The following BEND6 variants were observed in gnomAD, a reference collection of about 807,000 sequenced individuals.
BEND6 encodes the protein BEN domain containing 6, also known as BEN domain-containing protein 6.
Under a neutral mutation model 31.8 loss-of-function variants are expected in BEND6, and 24 were observed. The observed-to-expected ratio is 0.75, with a 90% CI of 0.55 to 1.06. The LOEUF is 1.06. Among genes scored for constraint, BEND6 ranks in the 50% least tolerant of loss-of-function variants. The probability of loss-of-function intolerance (pLI) is 0.00; values close to 1 mark genes in which losing one functional copy is unlikely to be tolerated. For synonymous variants in BEND6, 109 were observed against 114.6 expected, an observed-to-expected ratio of 0.95 and a Z score of 0.31; for missense variants, 294 against 327.4, an observed-to-expected ratio of 0.90 and a Z score of 0.79.
intron 1 of BEND6, among the ~76,000 whole-genome samples, chr6:56,964,328 T>C (rs1457948462): frequency 6.6e-6 from 1 of 152,190 alleles, no homozygotes; most frequent in Non-Finnish European, 1.5e-5. Flanking sequence ...CTAAGCTTTC[T>C]ATCTTTTCAT....
intron 1 of BEND6, among the ~76,000 whole-genome samples, chr6:56,978,114 C>CA (rs76466174): frequency 0.13 from 17,899 of 140,906 alleles, 1,309 homozygotes; most frequent in Middle Eastern, 0.2. Context: ...AAACAAAAAA[C>CA]AAAAAAAAAA....
chr6:56,990,902 A>G (rs1826473706), intron 2 of BEND6, among the ~76,000 whole-genome samples: 2 of 152,326 alleles, frequency 1.3e-5, no homozygotes, highest in Admixed American at 1.3e-4. Flanking sequence ...AACAAATGAC[A>G]GTATCTCTGA....
chr6:56,961,361 A>G (rs576111756), intron 1 of BEND6, among the ~76,000 whole-genome samples: 1 of 152,334 alleles, frequency 6.6e-6, no homozygotes, highest in East Asian at 1.9e-4. Context: ...AATGGAGATG[A>G]TGTGCTGGGA....
At chr6:57,003,426 G>A (rs912666123) in intron 3 of BEND6, among the ~76,000 whole-genome samples, 22 of 152,094 alleles carry the variant, frequency 1.4e-4, no homozygotes, top group African/African-American at 4.6e-4. Flanking sequence ...GCTTGAGCCC[G>A]AGAGATGGAG....
chr6:57,005,348 A>G (rs1221299373), intron 3 of BEND6, among the ~76,000 whole-genome samples: 1 of 152,112 alleles, frequency 6.6e-6, no homozygotes, highest in Non-Finnish European at 1.5e-5. Flanking sequence ...AAAATATAAA[A>G]CTCAACTGAG....
At chr6:56,958,684 A>T (rs1395536134) in intron 1 of BEND6, among the ~76,000 whole-genome samples, 4 of 152,236 alleles carry the variant, frequency 2.6e-5, no homozygotes, top group Non-Finnish European at 4.4e-5. Flanking sequence ...AGCATCCCAG[A>T]ATCAGAACTT....
At chr6:56,960,831 A>G (rs1029299873) in intron 1 of BEND6, among the ~76,000 whole-genome samples, 2 of 152,230 alleles carry the variant, frequency 1.3e-5, no homozygotes, top group Non-Finnish European at 2.9e-5. Context: ...CTAGGAAGAG[A>G]AAGAAAAGTA....
chr6:56,999,857 G>A (rs1826859738), intron 3 of BEND6, among the ~76,000 whole-genome samples: 1 of 152,232 alleles, frequency 6.6e-6, no homozygotes, highest in Non-Finnish European at 1.5e-5. Context: ...CAACAGAAGT[G>A]CATAGACCTG....
chr6:57,000,613 A>C (rs1826897387), intron 3 of BEND6, among the ~76,000 whole-genome samples: 1 of 150,330 alleles, frequency 6.7e-6, no homozygotes, highest in African/African-American at 2.5e-5. Flanking sequence ...AAATAACAAG[A>C]ATCCAAAATA....
intron 1 of BEND6, among the ~76,000 whole-genome samples, chr6:56,957,627 A>C (rs934505914): frequency 7.9e-5 from 12 of 152,150 alleles, no homozygotes; most frequent in African/African-American, 4.8e-5. Context: ...GTCACACACA[A>C]AAAAAATTGT....
intron 1 of BEND6, among the ~76,000 whole-genome samples, chr6:56,971,025 CATTAAATACCTT>C (rs1157497991): frequency 6.6e-6 from 1 of 152,176 alleles, no homozygotes; most frequent in Admixed American, 6.5e-5. Flanking sequence ...GGTTCAGTAA[CATTAAATACCTT>C]AGTATTATTG....
chr6:56,982,046 C>T lies in BEND6; in HGVS notation c.120+116C>T. 3.4e-6 allele frequency: 4 copies of T among 1,179,330 alleles called. No individual in the cohort carries two copies. The South Asian group carries it at 6.8e-5, about 20-fold the overall frequency. 73.1% of individuals were successfully genotyped at this position (1,179,330 alleles called of 1,614,324 possible). ...TTCTATTATTTAATTCTTTTCATTT[C>T]TTTATTCAATGGAGAAAATATAATC... On this transcript the variant is annotated intron_variant, in intron 2 of 6. Transcript: ENST00000370746.
chr6:56,984,097 T>C (rs758674076), intron 2 of BEND6, among the ~76,000 whole-genome samples: 2 of 152,124 alleles, frequency 1.3e-5, no homozygotes, highest in African/African-American at 2.4e-5. Flanking sequence ...TGCTTACACC[T>C]GTAGTCCTAG....
At chr6:57,000,473 C>G (rs1826889516) in intron 3 of BEND6, among the ~76,000 whole-genome samples, 1 of 151,868 alleles carries the variant, frequency 6.6e-6, no homozygotes, top group Non-Finnish European at 1.5e-5. Context: ...AACCAGAGAC[C>G]TTTGTTCTCG....
intron 1 of BEND6, among the ~76,000 whole-genome samples, chr6:56,972,402 G>C (rs1290226370): frequency 6.6e-6 from 1 of 151,920 alleles, no homozygotes; most frequent in East Asian, 1.9e-4. Context: ...GCCACCGCAT[G>C]TTTCCTTATA....
intron 1 of BEND6, among the ~76,000 whole-genome samples, chr6:56,959,560 G>C (rs887081223): frequency 2.0e-5 from 3 of 152,066 alleles, no homozygotes; most frequent in Admixed American, 2.0e-4. Context: ...TGTATTAAAA[G>C]GTAAAGGAGC....
chr6:56,976,387 A>T (rs761915620), intron 1 of BEND6, among the ~76,000 whole-genome samples: 3 of 151,530 alleles, frequency 2.0e-5, no homozygotes, highest in Non-Finnish European at 4.4e-5. Context: ...AGTGGAGACA[A>T]TGTTTCACCG....
chr6:56,997,721 T>G (rs1826776025), intron 3 of BEND6, among the ~76,000 whole-genome samples: 3 of 152,110 alleles, frequency 2.0e-5, no homozygotes, highest in South Asian at 2.1e-4. Flanking sequence ...GCCTGGCTAA[T>G]TTTTTGTATT....
intron 6 of BEND6, 145 bp downstream of exon 6, chr6:57,018,702 G>C (rs1175024052): frequency 1.2e-6 from 1 of 835,928 alleles, no homozygotes. Context: ...GGTGGCAAAA[G>C]GGGAGAACTG....
Sources: allele counts gnomAD v4.1 joint callset (sites outside exome capture counted in the v4.1 genomes callset), GRCh38; gene constraint gnomAD v4.1.1; transcripts MANE v1.5; gene names NCBI Gene and HGNC (gene_info 2026-07-23, HGNC 2026-07-21).